ARHGAP44: variants seen among roughly 807,000 people sequenced by gnomAD.
ARHGAP44 encodes Rho GTPase activating protein 44, also known as rho GTPase-activating protein 44.
Under a neutral mutation model 106.8 loss-of-function variants are expected in ARHGAP44, and 43 were observed. That is an observed-to-expected ratio of 0.40 (90% CI 0.32 to 0.52). The LOEUF (loss-of-function observed/expected upper bound fraction) is 0.52, where lower values mean the gene tolerates loss of function less well. ARHGAP44 is among the 20% of genes least tolerant of loss of function. The pLI is 0.48. For synonymous variants in ARHGAP44, 439 were observed against 410.3 expected, an observed-to-expected ratio of 1.07 and a Z score of -0.85; for missense variants, 866 against 1,050.5, an observed-to-expected ratio of 0.82 and a Z score of 2.43.
At chr17:12,864,953 T>TA (rs1205506503) in intron 1 of ARHGAP44, among the ~76,000 whole-genome samples, 1 of 152,096 alleles carries the variant, frequency 6.6e-6, no homozygotes, top group Non-Finnish European at 1.5e-5. Context: ...AGGAAAAAGA[T>TA]ACGAAACTTG....
intron 1 of ARHGAP44, among the ~76,000 whole-genome samples, chr17:12,852,691 G>A (rs1287536771): frequency 6.6e-6 from 1 of 151,776 alleles, no homozygotes; most frequent in Non-Finnish European, 1.5e-5. Context: ...ACAGGTGCCT[G>A]CCACCACGCC....
intron 1 of ARHGAP44, among the ~76,000 whole-genome samples, chr17:12,858,108 A>G (rs1213767860): frequency 1.3e-5 from 2 of 152,188 alleles, no homozygotes; most frequent in African/African-American, 4.8e-5. Flanking sequence ...TCTTATGCCA[A>G]GTCTGTAGTA....
chr17:12,859,830 G>A (rs2036016579), intron 1 of ARHGAP44, among the ~76,000 whole-genome samples: 1 of 152,294 alleles, frequency 6.6e-6, no homozygotes, highest in East Asian at 1.9e-4. Context: ...ACGGAAAGAG[G>A]GAGCTGCACG....
intron 1 of ARHGAP44, among the ~76,000 whole-genome samples, chr17:12,853,762 G>A (rs2035829317): frequency 6.6e-6 from 1 of 152,164 alleles, no homozygotes; most frequent in Non-Finnish European, 1.5e-5. Flanking sequence ...TTGCAAACCT[G>A]TTCTACACAC....
At position 12,880,800 on chromosome 17, in the gene ARHGAP44, A is replaced by C. The variant is rs575478306; in HGVS notation, c.54-14140A>C. Among the ~76,000 whole-genome samples, 4 of 152,260 alleles carry C rather than the reference A, an allele frequency of 2.6e-5. No homozygotes were observed. The South Asian group carries it at 6.2e-4, about 24-fold the overall frequency. ...GTGTTTCATGTGGGTACTTAGTTTC[A>C]TTGTCAGATATACAAAATAATGACA... On this transcript the variant is annotated intron_variant, in intron 1 of 20. Coordinates refer to ENST00000379672, the MANE Select transcript of ARHGAP44 (RefSeq NM_014859.6).
At chr17:12,865,062 A>T (rs892621464) in intron 1 of ARHGAP44, among the ~76,000 whole-genome samples, 3 of 152,186 alleles carry the variant, frequency 2.0e-5, no homozygotes, top group African/African-American at 7.2e-5. Flanking sequence ...AAGTAGAAGA[A>T]AAGTTCTCTG....
At chr17:12,961,742 A>T (rs902467689) in intron 16 of ARHGAP44, among the ~76,000 whole-genome samples, 8 of 152,204 alleles carry the variant, frequency 5.3e-5, no homozygotes, top group Non-Finnish European at 8.8e-5. Context: ...TCCAAAAAAA[A>T]AAAGTTAAAT....
chr17:12,855,936 G>A (rs2035896661), intron 1 of ARHGAP44, among the ~76,000 whole-genome samples: 1 of 152,176 alleles, frequency 6.6e-6, no homozygotes, highest in South Asian at 2.1e-4. Flanking sequence ...CTCCAGGTAA[G>A]GCCCTGGATT....
intron 13 of ARHGAP44, 198 bp from the exon 14 acceptor site, chr17:12,955,669 G>T: frequency 1.9e-6 from 1 of 512,946 alleles, no homozygotes; most frequent in Middle Eastern, 4.8e-4. Context: ...GACCCAGTGA[G>T]ATCTGAGCCT....
intron 1 of ARHGAP44, among the ~76,000 whole-genome samples, chr17:12,862,210 C>T (rs551880226): frequency 6.6e-6 from 1 of 152,148 alleles, no homozygotes; most frequent in South Asian, 2.1e-4. Context: ...CTGTCAGCCA[C>T]CTTGGATCTG....
intron 1 of ARHGAP44, among the ~76,000 whole-genome samples, chr17:12,834,570 AG>A (rs1280661245): frequency 1.3e-5 from 2 of 152,200 alleles, no homozygotes; most frequent in Non-Finnish European, 1.5e-5. Context: ...TCATTCTACT[AG>A]TAAGTGTTTG....
intron 1 of ARHGAP44, among the ~76,000 whole-genome samples, chr17:12,828,068 C>G (rs1306576071): frequency 6.8e-6 from 1 of 147,008 alleles, no homozygotes; most frequent in Non-Finnish European, 1.5e-5. Context: ...AGTTACTTAT[C>G]TATTAACATT....
At chr17:12,936,048 T>A (rs2038538345) in intron 7 of ARHGAP44, among the ~76,000 whole-genome samples, 1 of 152,196 alleles carries the variant, frequency 6.6e-6, no homozygotes, top group South Asian at 2.1e-4. Flanking sequence ...ACTTTATTTT[T>A]TAGAGCACTT....
chr17:12,943,750 G>A (rs930924104), intron 9 of ARHGAP44, 81 bp downstream of exon 9: 33 of 1,421,278 alleles, frequency 2.3e-5, no homozygotes, highest in South Asian at 4.7e-5. Context: ...CTTGTATGTC[G>A]TTGGCCCTAA....
intron 16 of ARHGAP44, chr17:12,972,897 A>AAG: frequency 6.2e-6 from 1 of 161,670 alleles, no homozygotes; most frequent in Non-Finnish European, 1.3e-5. Flanking sequence ...TCCTGACCTC[A>AAG]TGATCCACCA....
intron 7 of ARHGAP44, among the ~76,000 whole-genome samples, chr17:12,939,498 C>G (rs566195999): frequency 2.2e-4 from 33 of 152,090 alleles, no homozygotes; most frequent in Admixed American, 1.0e-3. Context: ...CAGAGTCTCT[C>G]TCTGTTGCCC....
At chr17:12,804,994 C>A (rs2034230397) in intron 1 of ARHGAP44, among the ~76,000 whole-genome samples, 1 of 152,152 alleles carries the variant, frequency 6.6e-6, no homozygotes, top group South Asian at 2.1e-4. Flanking sequence ...AAGTTCTCTG[C>A]TAGAAGTATG....
chr17:12,930,651 T>A (rs1431942093), intron 7 of ARHGAP44, among the ~76,000 whole-genome samples: 4 of 152,226 alleles, frequency 2.6e-5, no homozygotes, highest in Non-Finnish European at 5.9e-5. Context: ...GCAAGGATGC[T>A]GGATGTGAAT....
Position 12,986,741 on chromosome 17 carries a change from CAGA to C in ARHGAP44, c.2317+1836_2317+1838del, listed in dbSNP as rs1308056757. 8.0e-5 allele frequency: 13 copies of C among 162,626 alleles called. 1 individual carries two copies. Among genetic ancestry groups the C allele is most frequent in the East Asian group, 1.4e-4 (1 of 7,090 alleles). The allele number at this position is 162,626 out of a possible 1,614,324, so 10.1% of individuals were successfully genotyped here. On this transcript the variant is annotated intron_variant, in intron 20 of 20. Coordinates refer to ENST00000379672, the MANE Select transcript of ARHGAP44 (RefSeq NM_014859.6). Reference sequence around the variant, plus strand: ...ATATCAATGGAGAAGCAGAAAAGAGCAGAAGGAGAGGAGAAATTGGGGAACAAA... The same window carrying C: ...ATATCAATGGAGAAGCAGAAAAGAGCAGGAGAGGAGAAATTGGGGAACAAA...
Sources: allele counts gnomAD v4.1 joint callset (sites outside exome capture counted in the v4.1 genomes callset), GRCh38; gene constraint gnomAD v4.1.1; transcripts MANE v1.5; gene names NCBI Gene and HGNC (gene_info 2026-07-23, HGNC 2026-07-21).